Variants in ORC2 observed in about 807,000 individuals in gnomAD.
The protein encoded by ORC2 is origin recognition complex protein 2 homolog.
Under a neutral mutation model 77.7 loss-of-function variants are expected in ORC2, and 37 were observed. The ratio of observed to expected loss-of-function variants is 0.48; its 90% CI spans 0.37 to 0.63. ORC2 has a LOEUF of 0.63. Ranked by LOEUF, ORC2 falls within the 20% of genes least tolerant of loss-of-function variation. ORC2 has a pLI of 0.00. For synonymous variants in ORC2, 201 were observed against 229.5 expected (o/e 0.88, Z 1.12); for missense variants, 557 against 661.9 (o/e 0.84, Z 1.74).
At chr2:200,918,374 AGAGT>A (rs2040695277) in intron 15 of ORC2, among the ~76,000 whole-genome samples, 1 of 152,238 alleles carries the variant, frequency 6.6e-6, no homozygotes, top group Admixed American at 6.5e-5. Context: ...ATGAAAGGAA[AGAGT>A]GAGAAGTATT....
intron 14 of ORC2, 47 bp from the exon 15 acceptor site, chr2:200,920,440 T>G (rs1161366198): frequency 7.2e-7 from 1 of 1,386,496 alleles, no homozygotes; most frequent in Admixed American, 2.3e-5. Context: ...ATTTTTATAT[T>G]GTCATGTTAC....
intron 14 of ORC2, 67 bp from the exon 15 acceptor site, chr2:200,920,460 C>A: frequency 7.9e-7 from 1 of 1,261,868 alleles, no homozygotes; most frequent in South Asian, 2.3e-5. Flanking sequence ...CTAGATTCCA[C>A]TTTACAAAAG....
intron 15 of ORC2, among the ~76,000 whole-genome samples, chr2:200,918,459 T>A (rs2040696338): frequency 6.6e-6 from 1 of 152,104 alleles, no homozygotes; most frequent in African/African-American, 2.4e-5. Flanking sequence ...CTGCTAGACT[T>A]GCTTGTTCCC....
chr2:200,940,078 G>A (rs1233240902), intron 7 of ORC2, among the ~76,000 whole-genome samples: 1 of 152,102 alleles, frequency 6.6e-6, no homozygotes, highest in Non-Finnish European at 1.5e-5. Flanking sequence ...AATCCATCAC[G>A]TTAACTTCTG....
intron 4 of ORC2, among the ~76,000 whole-genome samples, chr2:200,954,261 C>T (rs544261190): frequency 3.3e-5 from 5 of 152,096 alleles, no homozygotes; most frequent in East Asian, 1.9e-4. Context: ...CTTGAATTCC[C>T]GTCCTCAGGC....
At chr2:200,948,994 T>C (rs2041300143) in intron 5 of ORC2, among the ~76,000 whole-genome samples, 1 of 151,976 alleles carries the variant, frequency 6.6e-6, no homozygotes, top group Non-Finnish European at 1.5e-5. Flanking sequence ...ATCCCAGCAC[T>C]TTGGGAAGCC....
At position 200,910,391 on chromosome 2, in the gene ORC2, C is replaced by T. The variant is rs1203221182; in HGVS notation, c.*910G>A. On this transcript the variant is annotated 3_prime_UTR_variant, in exon 18 of 18. Transcript: ENST00000234296. ...TATCTTACAGTGAGTTTTAGGTCTA[C>T]TTGACAGAGGAATCAAAATTAATTT... 3 of 152,120 alleles carry T rather than the reference C, an allele frequency of 2.0e-5. No individual in the cohort carries two copies. 9.4% of individuals were successfully genotyped at this position (152,120 alleles called of 1,614,324 possible).
intron 5 of ORC2, among the ~76,000 whole-genome samples, chr2:200,947,970 G>A (rs2041280885): frequency 6.6e-6 from 1 of 151,358 alleles, no homozygotes; most frequent in Admixed American, 6.6e-5. Flanking sequence ...GTGCAGTGGC[G>A]CGATCTCGGC....
At chr2:200,934,260 A>T (rs2124983350) in intron 9 of ORC2, among the ~76,000 whole-genome samples, 1 of 152,270 alleles carries the variant, frequency 6.6e-6, no homozygotes, top group East Asian at 1.9e-4. Flanking sequence ...TAGACTAAAA[A>T]AAGAGAGATG....
At chr2:200,946,333 GATC>G (rs1443169169) in intron 5 of ORC2, among the ~76,000 whole-genome samples, 1 of 151,884 alleles carries the variant, frequency 6.6e-6, no homozygotes, top group Non-Finnish European at 1.5e-5. Context: ...TTTTCTGGCA[GATC>G]ATGTTATTTA....
intron 13 of ORC2, 21 bp from the exon 14 acceptor site, chr2:200,921,160 A>G (rs749474895): frequency 2.2e-6 from 3 of 1,385,832 alleles, no homozygotes; most frequent in Admixed American, 2.0e-5. Context: ...AAGAAATCCA[A>G]TTATTATTAT....
intron 10 of ORC2, 119 bp from the exon 11 acceptor site, chr2:200,931,567 TA>T (rs1308276804): frequency 1.9e-6 from 1 of 512,948 alleles, no homozygotes; most frequent in African/African-American, 2.0e-5. Flanking sequence ...AATATTACTT[TA>T]ATCTGGTTTG....
chr2:200,913,666 TACTTGGCAGATAC>T (rs199703940), intron 16 of ORC2: 39,961 of 1,339,018 alleles, frequency 0.03, 657 homozygotes, highest in Non-Finnish European at 0.033. Flanking sequence ...GAAAAATATG[TACTTGGCAGATAC>T]ACATCCATAG....
intron 1 of ORC2, among the ~76,000 whole-genome samples, chr2:200,962,846 G>A (rs936392757): frequency 6.6e-6 from 1 of 152,188 alleles, no homozygotes. Context: ...GATTTCAATT[G>A]TAAAATGAAA....
intron 1 of ORC2, among the ~76,000 whole-genome samples, chr2:200,959,746 G>A (rs753934755): frequency 6.6e-6 from 1 of 152,132 alleles, no homozygotes; most frequent in Non-Finnish European, 1.5e-5. Flanking sequence ...ACAACTCTAT[G>A]AGGTTCATAC....
intron 4 of ORC2, among the ~76,000 whole-genome samples, chr2:200,957,015 G>C (rs1302356995): frequency 6.6e-6 from 1 of 152,124 alleles, no homozygotes; most frequent in Non-Finnish European, 1.5e-5. Context: ...CCTGCGGGTG[G>C]GTGGAGGGAG....
intron 13 of ORC2, among the ~76,000 whole-genome samples, chr2:200,925,189 TG>T (rs1472464347): frequency 1.3e-5 from 2 of 152,106 alleles, no homozygotes; most frequent in African/African-American, 4.8e-5. Flanking sequence ...TCGCTGGGCT[TG>T]GTGGTGCACG....
Position 200,963,530 on chromosome 2 carries a change from C to T in ORC2, c.-100G>A, listed in dbSNP as rs1466976884. 7.5e-6 allele frequency: 3 copies of T among 398,496 alleles called. No homozygotes were observed. The highest frequency in any genetic ancestry group is 1.3e-5 in the Non-Finnish European group (3 of 226,032). The allele number at this position is 398,496 out of a possible 1,614,324, so 24.7% of individuals were successfully genotyped here. A position where few individuals can be genotyped will look rare whatever the true frequency, so the allele number is the denominator to read the frequency against. On this transcript the variant is annotated 5_prime_UTR_variant, in exon 1 of 18. Transcript: ENST00000234296. ...TGGCGCCGATCCGGCTGCGTCACGC[C>T]GGCCGAACGACACCCCGCTGAGTCG...
At chr2:200,915,030 T>C (rs2040618938) in intron 15 of ORC2, among the ~76,000 whole-genome samples, 2 of 144,934 alleles carry the variant, frequency 1.4e-5, no homozygotes, top group South Asian at 4.5e-4. Context: ...TTTTTTTTTT[T>C]TTGAGACAGA....
Sources: allele counts gnomAD v4.1 joint callset (sites outside exome capture counted in the v4.1 genomes callset), GRCh38; gene constraint gnomAD v4.1.1; transcripts MANE v1.5; gene names NCBI Gene and HGNC (gene_info 2026-07-23, HGNC 2026-07-21).